DNAH17: variants seen among roughly 807,000 people sequenced by gnomAD.
DNAH17 encodes axonemal beta dynein heavy chain 17.
Under a neutral mutation model 485.6 loss-of-function variants are expected in DNAH17, and 376 were observed. The ratio of observed to expected loss-of-function variants is 0.77; its 90% confidence interval spans 0.71 to 0.84. DNAH17 has a LOEUF of 0.84. Ranked by LOEUF, DNAH17 falls within the 40% of genes least tolerant of loss-of-function variation. DNAH17 has a pLI of 0.00. For missense variants in DNAH17, 6,370 were observed against 5,839.3 expected, an observed-to-expected ratio of 1.09 and a Z score of -2.96; for synonymous variants, 3,031 against 2,405.9, an observed-to-expected ratio of 1.26 and a Z score of -7.60.
Position 78,510,698 on chromosome 17 carries a change from T to C in DNAH17, c.4114-192A>G, listed in dbSNP as rs2090610890. On this transcript the variant is annotated intron_variant, in intron 26 of 80. Coordinates refer to ENST00000389840, the MANE Select transcript of DNAH17 (RefSeq NM_173628.4). ...GTGACTTCTCCAAGCCTCACCTTCC[T>C]TCCCTGTAAAACCGCATAAGAGCAG... 5.8e-6 allele frequency: 4 copies of C among 688,506 alleles called. No homozygotes were observed. In the African/African-American group the frequency reaches 7.2e-5, roughly 12 times the overall value. 42.6% of individuals were successfully genotyped at this position (688,506 alleles called of 1,614,324 possible). A position where few individuals can be genotyped will look rare whatever the true frequency, so the allele number is the denominator to read the frequency against.
intron 33 of DNAH17, 158 bp from the exon 34 acceptor site, chr17:78,502,031 G>A (rs929598304): frequency 6.8e-6 from 7 of 1,034,652 alleles, no homozygotes; most frequent in Admixed American, 2.5e-5. Context: ...GCCAGGCACT[G>A]GTTTCACCAG....
chr17:78,576,528 G>A (rs1420237274), intron 1 of DNAH17, among the ~76,000 whole-genome samples: 1 of 152,142 alleles, frequency 6.6e-6, no homozygotes, highest in African/African-American at 2.4e-5. Flanking sequence ...TCGTTCACCA[G>A]GTTCCCACAG....
At position 78,475,273 on chromosome 17, in the gene DNAH17, C is replaced by G. The variant is rs2088961536; in HGVS notation, c.8511+5G>C. 1 of 1,613,844 alleles carries G rather than the reference C, an allele frequency of 6.2e-7. No individual in the cohort carries two copies. Among genetic ancestry groups the G allele is most frequent in the Non-Finnish European group, 8.5e-7 (1 of 1,179,874 alleles). Reference sequence around the variant, plus strand: ...AAGGCAGCCTATTGAACAGTAAGCTCTCACCTTGAGGTCGGGGATCCCGTA... The same window carrying G: ...AAGGCAGCCTATTGAACAGTAAGCTGTCACCTTGAGGTCGGGGATCCCGTA... On this transcript the variant is annotated splice_donor_5th_base_variant and intron_variant, in intron 54 of 80. Transcript: ENST00000389840.
At chr17:78,498,666 T>G (rs557726016) in intron 37 of DNAH17, among the ~76,000 whole-genome samples, 1 of 152,312 alleles carries the variant, frequency 6.6e-6, no homozygotes, top group Non-Finnish European at 1.5e-5. Context: ...TTTCTTTCTT[T>G]CCTGCCATTC....
In DNAH17 at chr17:78,501,156, A is replaced by G. The variant is rs780170910; in HGVS notation, c.5483+28T>C. On this transcript the variant is annotated intron_variant, in intron 35 of 80. Coordinates refer to ENST00000389840, the MANE Select transcript of DNAH17 (RefSeq NM_173628.4). ...TGCGGAAGGGACCCACCAAGAGCAC[A>G]TGTGAGTTACTCAGGGACGGGCCTC... 3.2e-6 allele frequency: 5 copies of G among 1,556,788 alleles called. No individual in the cohort carries two copies. In the South Asian group the frequency reaches 3.6e-5, roughly 11 times the overall value.
chr17:78,438,440 GA>G (rs2086933403), intron 73 of DNAH17, among the ~76,000 whole-genome samples: 1 of 110,466 alleles, frequency 9.1e-6, no homozygotes, highest in Non-Finnish European at 1.8e-5. Context: ...GGAGGAGGAG[GA>G]GGAGGGAGGA....
intron 16 of DNAH17, among the ~76,000 whole-genome samples, chr17:78,545,229 C>A (rs1050611233): frequency 6.6e-6 from 1 of 152,130 alleles, no homozygotes; most frequent in Non-Finnish European, 1.5e-5. Context: ...TGAACATAAA[C>A]GATATGATTA....
chr17:78,539,092 G>A (rs756201816), intron 18 of DNAH17, among the ~76,000 whole-genome samples: 10 of 152,150 alleles, frequency 6.6e-5, no homozygotes, highest in South Asian at 4.2e-4. Flanking sequence ...TTAGCCAGGC[G>A]TGGTGGCGGG....
intron 74 of DNAH17, among the ~76,000 whole-genome samples, chr17:78,437,309 G>A (rs1456200952): frequency 6.6e-6 from 1 of 152,172 alleles, no homozygotes; most frequent in African/African-American, 2.4e-5. Flanking sequence ...CATTTCCAAG[G>A]ACCAGTCATG....
Position 78,475,097 on chromosome 17 carries a change from G to A in DNAH17, c.8511+181C>T, listed in dbSNP as rs190541041. On this transcript the variant is annotated intron_variant, in intron 54 of 80. Coordinates refer to ENST00000389840, the MANE Select transcript of DNAH17 (RefSeq NM_173628.4). ...CTCTTCACCTCAGTCACACGGGCAC[G>A]CACGCTGGCTGGAAGGTTTTCTGGC... Among the ~76,000 whole-genome samples, 255 of 152,232 alleles carry A rather than the reference G, an allele frequency of 1.7e-3. 1 individual carries two copies. Among genetic ancestry groups the A allele is most frequent in the Non-Finnish European group, 3.0e-3 (202 of 68,012 alleles).
Position 78,507,820 on chromosome 17 carries a change from GA to G in DNAH17, c.4237-16del. 6.5e-7 allele frequency: 1 copy of G among 1,529,114 alleles called. No individual in the cohort carries two copies. The highest frequency in any genetic ancestry group is 8.8e-7 in the Non-Finnish European group (1 of 1,139,124). 94.7% of individuals were successfully genotyped at this position (1,529,114 alleles called of 1,614,324 possible). A position where few individuals can be genotyped will look rare whatever the true frequency, so the allele number is the denominator to read the frequency against. On this transcript the variant is annotated splice_polypyrimidine_tract_variant and intron_variant, in intron 27 of 80. Coordinates refer to ENST00000389840, the MANE Select transcript of DNAH17 (RefSeq NM_173628.4). Reference sequence around the variant, plus strand: ...GCTTTCAGCACCTTTTGGGGGAACAGAAAAATAAGGTCACTGAGCATTTGGC... The same window carrying G: ...GCTTTCAGCACCTTTTGGGGGAACAGAAAATAAGGTCACTGAGCATTTGGC...
At chr17:78,543,789 TG>T in intron 17 of DNAH17, 67 bp downstream of exon 17, 5 of 1,606,220 alleles carry the variant, frequency 3.1e-6, no homozygotes, top group Non-Finnish European at 4.3e-6. Flanking sequence ...TCTCCAGCCC[TG>T]GGTTTACTCT....
intron 25 of DNAH17, among the ~76,000 whole-genome samples, chr17:78,519,937 C>T (rs1164493603): frequency 6.6e-6 from 1 of 152,052 alleles, no homozygotes; most frequent in African/African-American, 2.4e-5. Flanking sequence ...TAGTGAAACC[C>T]TGTCTCTATT....
In DNAH17 at chr17:78,475,842, AG is replaced by A; in HGVS notation, c.8155-10del. 2 of 1,606,274 alleles carry A rather than the reference AG, an allele frequency of 1.2e-6. No homozygotes were observed. Among genetic ancestry groups the A allele is most frequent in the Middle Eastern group, 1.7e-4 (1 of 6,030 alleles). On this transcript the variant is annotated splice_polypyrimidine_tract_variant and intron_variant, in intron 52 of 80. Transcript: ENST00000389840. Reference sequence around the variant, plus strand: ...AGTTCATCACCAAGATCCTAGAAAAAGAAAAAAAAAGACGATACTTCCGGTT... The same window carrying A: ...AGTTCATCACCAAGATCCTAGAAAAAAAAAAAAAAGACGATACTTCCGGTT...
chr17:78,568,132 C>G (rs189456118), intron 9 of DNAH17, among the ~76,000 whole-genome samples: 1 of 152,292 alleles, frequency 6.6e-6, no homozygotes, highest in Non-Finnish European at 1.5e-5. Flanking sequence ...AGGGGGTGGA[C>G]AGCAAAGCCA....
At chr17:78,478,765 C>T (rs2089218205) in intron 51 of DNAH17, 1 of 447,914 alleles carries the variant, frequency 2.2e-6, no homozygotes, top group Admixed American at 4.1e-5. Context: ...TCACTATCAT[C>T]ATCACATCAC....
chr17:78,464,930 C>T (rs999228271), intron 56 of DNAH17, among the ~76,000 whole-genome samples: 2 of 152,254 alleles, frequency 1.3e-5, no homozygotes, highest in Admixed American at 1.3e-4. Context: ...AAAAATATTA[C>T]ATTAAAACCT....
Position 78,437,738 on chromosome 17 carries a change from A to T in DNAH17, c.11936T>A (p.Ile3979Asn). 6.2e-7 allele frequency: 1 copy of T among 1,612,262 alleles called. No individual in the cohort carries two copies. The highest frequency in any genetic ancestry group is 8.5e-7 in the Non-Finnish European group (1 of 1,179,660). The stretch of plus-strand genomic sequence containing the variant: ...GGCGTTCTCCAGAATGCCCTGGGGG[A>T]TGATGTGGGTCTCGGGGCTGGGGGC... The part of the protein sequence containing the change: ...EPAPSPETHI[I>N]PQGILENAIK... Residue 3979 changes from isoleucine to asparagine, a missense_variant, in exon 74 of 81, where the codon ATC becomes AAC. Transcript: ENST00000389840.
intron 17 of DNAH17, among the ~76,000 whole-genome samples, chr17:78,543,378 C>G (rs2091657230): frequency 6.6e-6 from 1 of 151,850 alleles, no homozygotes; most frequent in African/African-American, 2.4e-5. Flanking sequence ...GCAAGCTCCG[C>G]TTCCCGGGTT....
Sources: gnomAD v4.1 joint callset for allele counts (sites outside exome capture counted in the v4.1 genomes callset) on GRCh38, gnomAD v4.1.1 for gene constraint, MANE v1.5 for transcripts, NCBI Gene and HGNC (gene_info 2026-07-23, HGNC 2026-07-21) for gene names.